Variants in MSI2 observed in about 807,000 individuals in gnomAD.
The protein encoded by MSI2 is musashi RNA binding protein 2.
MSI2 carries 17 observed loss-of-function variants against 45.6 expected under a neutral mutation model. The observed-to-expected ratio is 0.37, with a 90% CI of 0.26 to 0.56. The LOEUF is 0.56. Among genes scored for constraint, MSI2 ranks in the 20% least tolerant of loss-of-function variants. The probability of loss-of-function intolerance (pLI) is 0.77; values close to 1 mark genes in which losing one functional copy is unlikely to be tolerated. For missense variants in MSI2, 293 were observed against 444.2 expected (o/e 0.66, Z 3.06); for synonymous variants, 156 against 158.2 (o/e 0.99, Z 0.11).
intron 6 of MSI2, among the ~76,000 whole-genome samples, chr17:57,486,908 T>C (rs1307723100): frequency 6.6e-6 from 1 of 152,138 alleles, no homozygotes; most frequent in Middle Eastern, 3.2e-3. Flanking sequence ...TCACAGAGTC[T>C]AGTGGGTGAG....
intron 6 of MSI2, among the ~76,000 whole-genome samples, chr17:57,491,827 A>G (rs905509233): frequency 6.6e-6 from 1 of 152,114 alleles, no homozygotes; most frequent in Non-Finnish European, 1.5e-5. Flanking sequence ...TGTTCATTCA[A>G]CCTTTCTAGC....
chr17:57,546,593 A>G (rs968175377), intron 7 of MSI2, among the ~76,000 whole-genome samples: 1 of 152,168 alleles, frequency 6.6e-6, no homozygotes, highest in Non-Finnish European at 1.5e-5. Flanking sequence ...GCTGTGTGGC[A>G]TGGTGATAAA....
At chr17:57,573,971 G>A (rs897962535) in intron 7 of MSI2, among the ~76,000 whole-genome samples, 6 of 152,186 alleles carry the variant, frequency 3.9e-5, no homozygotes, top group Admixed American at 1.3e-4. Context: ...TGGTTGTGAC[G>A]ATAATGATGA....
intron 8 of MSI2, among the ~76,000 whole-genome samples, chr17:57,604,946 T>C (rs371135460): frequency 5.3e-5 from 7 of 131,612 alleles, no homozygotes; most frequent in East Asian, 5.3e-4. Context: ...CCAAAAGTGG[T>C]GGGTGTATTT....
At chr17:57,532,527 A>AT (rs1373269375) in intron 7 of MSI2, among the ~76,000 whole-genome samples, 1 of 152,164 alleles carries the variant, frequency 6.6e-6, no homozygotes, top group Non-Finnish European at 1.5e-5. Context: ...GTGAAAAAAA[A>AT]TTTTTGTTTT....
chr17:57,634,708 G>T (rs1364353254), intron 10 of MSI2, among the ~76,000 whole-genome samples: 1 of 152,108 alleles, frequency 6.6e-6, no homozygotes, highest in African/African-American at 2.4e-5. Flanking sequence ...AAATAATAAT[G>T]GACTAAACAA....
At chr17:57,314,299 G>A (rs1297956867) in intron 5 of MSI2, among the ~76,000 whole-genome samples, 1 of 152,088 alleles carries the variant, frequency 6.6e-6, no homozygotes, top group Non-Finnish European at 1.5e-5. Flanking sequence ...GAAGTACCAG[G>A]GCTTAGGACT....
chr17:57,368,285 C>T lies in MSI2; in HGVS notation c.313-33094C>T, dbSNP rs190948441. 1.7e-4 allele frequency among the ~76,000 whole-genome samples: 26 copies of T among 152,268 alleles called. No homozygotes were observed. The East Asian group carries it at 3.5e-3, about 20-fold the overall frequency. On this transcript the variant is annotated intron_variant, in intron 5 of 13. Coordinates refer to ENST00000284073, the MANE Select transcript of MSI2 (RefSeq NM_138962.4). ...TCAATTTTGGCTGAGCGTGGTGGCT[C>T]ATGCACTTTGGGAGGCTCCCAGCAC... is the stretch of plus-strand genomic sequence containing the variant.
At chr17:57,354,611 G>A (rs1331343570) in intron 5 of MSI2, among the ~76,000 whole-genome samples, 1 of 152,160 alleles carries the variant, frequency 6.6e-6, no homozygotes, top group Non-Finnish European at 1.5e-5. Context: ...GGCAGCAGCA[G>A]AGGCAACATC....
intron 10 of MSI2, chr17:57,631,906 G>T: frequency 1.9e-6 from 3 of 1,581,154 alleles, no homozygotes; most frequent in Non-Finnish European, 2.6e-6. Context: ...GGCCTGGGCT[G>T]CCCCCGCTCC....
At chr17:57,486,327 T>C (rs1205346295) in intron 6 of MSI2, among the ~76,000 whole-genome samples, 2 of 152,230 alleles carry the variant, frequency 1.3e-5, no homozygotes, top group East Asian at 3.8e-4. Flanking sequence ...GATATTGCTT[T>C]CTTTTCACTT....
intron 5 of MSI2, among the ~76,000 whole-genome samples, chr17:57,372,308 C>T (rs1397452880): frequency 6.6e-6 from 1 of 152,204 alleles, no homozygotes; most frequent in Non-Finnish European, 1.5e-5. Context: ...AACATTTATC[C>T]AAGTTTGAAG....
At position 57,258,250 on chromosome 17, in the gene MSI2, C is replaced by G; in HGVS notation, c.186-20C>G. 6.2e-7 allele frequency: 1 copy of G among 1,610,240 alleles called. No individual in the cohort carries two copies. The highest frequency in any genetic ancestry group is 8.5e-7 in the Non-Finnish European group (1 of 1,176,504). ...GTCACATTTTCTTGTTTGTTTTTCT[C>G]CCTCTTTGTCTCCTTTCAGAGGCTT... On this transcript the variant is annotated intron_variant, in intron 3 of 13. Transcript: ENST00000284073.
At chr17:57,663,119 TG>T (rs1391613763) in intron 11 of MSI2, among the ~76,000 whole-genome samples, 4 of 151,698 alleles carry the variant, frequency 2.6e-5, no homozygotes, top group African/African-American at 9.7e-5. Context: ...GCCTTAGGGC[TG>T]GGAGGGGATT....
intron 7 of MSI2, among the ~76,000 whole-genome samples, chr17:57,561,403 C>T (rs951985860): frequency 2.6e-5 from 4 of 152,184 alleles, no homozygotes; most frequent in South Asian, 4.1e-4. Flanking sequence ...CTTGCTCTCC[C>T]GTCTTGCTGT....
intron 5 of MSI2, among the ~76,000 whole-genome samples, chr17:57,325,797 C>T (rs1468256449): frequency 1.3e-5 from 2 of 152,206 alleles, no homozygotes; most frequent in African/African-American, 2.4e-5. Flanking sequence ...GGCTCCCATA[C>T]GGATGCCTGC....
chr17:57,558,121 A>G (rs1437330919), intron 7 of MSI2, among the ~76,000 whole-genome samples: 1 of 152,168 alleles, frequency 6.6e-6, no homozygotes, highest in African/African-American at 2.4e-5. Context: ...CTGACAAAAT[A>G]TTTAAATAAA....
At chr17:57,574,535 G>A (rs576873826) in intron 7 of MSI2, among the ~76,000 whole-genome samples, 6 of 152,296 alleles carry the variant, frequency 3.9e-5, no homozygotes, top group African/African-American at 1.2e-4. Context: ...TGTCCCCATG[G>A]TTGAGCCTCT....
chr17:57,668,529 A>G (rs1218117983), intron 11 of MSI2, among the ~76,000 whole-genome samples: 2 of 152,210 alleles, frequency 1.3e-5, no homozygotes, highest in Non-Finnish European at 2.9e-5. Flanking sequence ...AGCAGAAACT[A>G]CAACTTATCA....
Sources: allele counts gnomAD v4.1 joint callset (sites outside exome capture counted in the v4.1 genomes callset), GRCh38; gene constraint gnomAD v4.1.1; transcripts MANE v1.5; gene names NCBI Gene and HGNC (gene_info 2026-07-23, HGNC 2026-07-21).